The following SLC29A4 variants were observed in gnomAD, a reference collection of about 807,000 sequenced individuals.
The protein encoded by SLC29A4 is equilibrative nucleoside transporter 4.
In SLC29A4, 36 loss-of-function variants were observed where a neutral mutation model predicts 43.9. The observed-to-expected ratio is 0.82, with a 90% CI of 0.63 to 1.08. The LOEUF (loss-of-function observed/expected upper bound fraction) is 1.08, where lower values mean the gene tolerates loss of function less well. Among genes scored for constraint, SLC29A4 ranks in the 50% least tolerant of loss-of-function variants. SLC29A4 has a pLI of 0.00. For missense variants in SLC29A4, 869 were observed against 755.3 expected (o/e 1.15, Z -1.77); for synonymous variants, 491 against 338.0 (o/e 1.45, Z -4.97).
chr7:5,306,183 T>C lies in SLC29A4; in HGVS notation c.*3244T>C, dbSNP rs1271174178. On this transcript the variant is annotated 3_prime_UTR_variant, in exon 11 of 11. Transcript: ENST00000396872. ...TTTAATTTTTTCTCATGTAAATTTG[T>C]TCAATTTCTTTTTTTTTTTTTTTTT... 6.9e-6 allele frequency: 1 copy of C among 145,248 alleles called. No homozygotes were observed. Among genetic ancestry groups the C allele is most frequent in the Non-Finnish European group, 1.5e-5 (1 of 67,182 alleles). The allele number at this position is 145,248 out of a possible 1,614,324, so 9.0% of individuals were successfully genotyped here. A position where few individuals can be genotyped will look rare whatever the true frequency, so the allele number is the denominator to read the frequency against.
Position 5,305,222 on chromosome 7 carries a change from G to A in SLC29A4, c.*2283G>A, listed in dbSNP as rs1216756933. The A allele has an allele frequency of 6.6e-6, 1 of 152,354 alleles. No homozygotes were observed. The highest frequency in any genetic ancestry group is 2.1e-4 in the South Asian group (1 of 4,842). 9.4% of individuals were successfully genotyped at this position (152,354 alleles called of 1,614,324 possible). A position where few individuals can be genotyped will look rare whatever the true frequency, so the allele number is the denominator to read the frequency against. On this transcript the variant is annotated 3_prime_UTR_variant, in exon 11 of 11. Transcript: ENST00000396872. ...CTATGCTCTGGCAGGCATCCTCCCT[G>A]GGGCCCAGGTGGGCGGCCACTTGGG...
At chr7:5,294,721 G>A (rs1208864398) in intron 5 of SLC29A4, 139 bp from the exon 6 acceptor site, 23 of 834,290 alleles carry the variant, frequency 2.8e-5, no homozygotes, top group East Asian at 5.0e-5. Flanking sequence ...CTACTGCTGC[G>A]TGTCAAATCT....
intron 6 of SLC29A4, among the ~76,000 whole-genome samples, 200 bp from the exon 7 acceptor site, chr7:5,296,736 C>CG (rs571893521): frequency 0.027 from 3,399 of 127,278 alleles, 227 homozygotes; most frequent in African/African-American, 0.095. Flanking sequence ...TGGCAGTGGG[C>CG]GGGGCCGGCG....
intron 10 of SLC29A4, among the ~76,000 whole-genome samples, 155 bp downstream of exon 10, chr7:5,300,817 C>T (rs1470213619): frequency 1.3e-5 from 2 of 152,228 alleles, no homozygotes; most frequent in Non-Finnish European, 2.9e-5. Context: ...GGGACATTCT[C>T]AGCCACTTCA....
Position 5,299,322 on chromosome 7 carries a change from G to A in SLC29A4, c.1104G>A (p.Leu368=). The part of the protein sequence containing the change: ...LSIAVTYFIT[L]CLFPGLESEI... ...TCGCCGTGACCTACTTCATCACGCT[G>A]TGCCTGTTCCCCGGCCTCGAGTCTG... The change falls in exon 9 of 11, where the codon CTG becomes CTA. Residue 368 remains leucine (L), a synonymous_variant. Coordinates refer to ENST00000396872, the MANE Select transcript of SLC29A4 (RefSeq NM_153247.4). The A allele has an allele frequency of 6.2e-7, 1 of 1,612,056 alleles. No homozygotes were observed. Among genetic ancestry groups the A allele is most frequent in the Non-Finnish European group, 8.5e-7 (1 of 1,179,876 alleles).
At chr7:5,297,529 C>T (rs1343456205) in intron 7 of SLC29A4, among the ~76,000 whole-genome samples, 1 of 152,242 alleles carries the variant, frequency 6.6e-6, no homozygotes, top group Non-Finnish European at 1.5e-5. Context: ...AAGTTTCCAT[C>T]CCTGGGACAG....
Position 5,296,970 on chromosome 7 carries a change from C to T in SLC29A4, c.654C>T (p.Ile218=). The change falls in exon 7 of 11, where the codon ATC becomes ATT. Residue 218 remains isoleucine (I), a synonymous_variant. Coordinates refer to ENST00000396872, the MANE Select transcript of SLC29A4 (RefSeq NM_153247.4). ...GCGTGATGATCTCTCTGAGCCGCAT[C>T]CTCACGAAGCTGCTGCTGCCCGACG... ...TAGVMISLSR[I]LTKLLLPDER... 1.3e-6 allele frequency: 2 copies of T among 1,599,986 alleles called. No individual in the cohort carries two copies. The highest frequency in any genetic ancestry group is 1.7e-6 in the Non-Finnish European group (2 of 1,179,046).
intron 5 of SLC29A4, 93 bp downstream of exon 5, chr7:5,291,914 G>C (rs1223197903): frequency 2.0e-6 from 3 of 1,515,298 alleles, no homozygotes; most frequent in Non-Finnish European, 2.6e-6. Flanking sequence ...CATGTGACAT[G>C]ATGGGAACCG....
Position 5,287,911 on chromosome 7 carries a change from A to G in SLC29A4, c.95A>G (p.Gln32Arg), listed in dbSNP as rs760138659. 2.5e-6 allele frequency: 4 copies of G among 1,612,076 alleles called. No individual in the cohort carries two copies. The South Asian group carries it at 3.3e-5, about 13-fold the overall frequency. ...VVMSFTFDSH[Q>R]LEEAAEAAQG... ...ATGAGCTTCACCTTCGACAGTCACC[A>G]GCTGGAGGAGGCGGCGGAGGCGGCT... Residue 32 changes from glutamine (Q) to arginine (R), a missense_variant, in exon 2 of 11, where the codon CAG (glutamine) becomes CGG (arginine). Transcript: ENST00000396872.
chr7:5,294,717 C>A, intron 5 of SLC29A4, 143 bp from the exon 6 acceptor site: 1 of 817,054 alleles, frequency 1.2e-6, no homozygotes, highest in Non-Finnish European at 2.1e-6. Context: ...GTTCCTACTG[C>A]TGCGTGTCAA....
Position 5,300,676 on chromosome 7 carries a change from G to A in SLC29A4, c.1450+14G>A. ...GGGAGCTGGCAGGTGAGGCCCGCGG[G>A]ACGTGGGGGTGGGGGCGTCCTCCCA... is the stretch of plus-strand genomic sequence containing the variant. On this transcript the variant is annotated intron_variant, in intron 10 of 10. Coordinates refer to ENST00000396872, the MANE Select transcript of SLC29A4 (RefSeq NM_153247.4). 1 of 1,603,598 alleles carries A rather than the reference G, an allele frequency of 6.2e-7. No homozygotes were observed. Among genetic ancestry groups the A allele is most frequent in the Non-Finnish European group, 8.5e-7 (1 of 1,178,186 alleles).
chr7:5,291,067 G>A, intron 3 of SLC29A4, 57 bp from the exon 4 acceptor site: 13 of 1,590,498 alleles, frequency 8.2e-6, no homozygotes, highest in Non-Finnish European at 8.6e-6. Flanking sequence ...CACCTGGCAG[G>A]AGTCAGTGCA....
At chr7:5,283,250 G>A (rs1462591505) in intron 1 of SLC29A4, among the ~76,000 whole-genome samples, 168 bp downstream of exon 1, 1 of 150,072 alleles carries the variant, frequency 6.7e-6, no homozygotes, top group Non-Finnish European at 1.5e-5. Flanking sequence ...CGCGTCCTGA[G>A]CGGCCCAGCC....
At chr7:5,302,204 G>T (rs1327538588) in intron 10 of SLC29A4, among the ~76,000 whole-genome samples, 2 of 152,136 alleles carry the variant, frequency 1.3e-5, no homozygotes, top group African/African-American at 2.4e-5. Flanking sequence ...GCCTGCCTCA[G>T]CCTCCCAAAG....
At chr7:5,284,943 G>T (rs1784861065) in intron 1 of SLC29A4, among the ~76,000 whole-genome samples, 1 of 152,190 alleles carries the variant, frequency 6.6e-6, no homozygotes, top group South Asian at 2.1e-4. Context: ...AGCATCTTGG[G>T]GGCTCTTGCT....
intron 7 of SLC29A4, among the ~76,000 whole-genome samples, chr7:5,298,173 A>C (rs1372646422): frequency 2.0e-5 from 3 of 152,136 alleles, no homozygotes; most frequent in African/African-American, 7.2e-5. Flanking sequence ...GGGGACGCTG[A>C]AGTGAGCCAG....
chr7:5,298,522 T>C (rs1439528836), intron 7 of SLC29A4, among the ~76,000 whole-genome samples: 1 of 152,118 alleles, frequency 6.6e-6, no homozygotes, highest in East Asian at 1.9e-4. Context: ...CCAGGCGCAG[T>C]GGCTCACACC....
At chr7:5,284,558 T>C (rs1017700679) in intron 1 of SLC29A4, among the ~76,000 whole-genome samples, 53 of 137,028 alleles carry the variant, frequency 3.9e-4, no homozygotes, top group African/African-American at 1.1e-3. Context: ...ACTGGAGTTA[T>C]TAAGCCAGTG....
intron 4 of SLC29A4, 72 bp downstream of exon 4, chr7:5,291,309 C>A: frequency 1.4e-6 from 2 of 1,401,366 alleles, no homozygotes; most frequent in Non-Finnish European, 2.0e-6. Flanking sequence ...CCCACTCACC[C>A]AGTTTCCCTG....
Sources: gnomAD v4.1 joint callset for allele counts (sites outside exome capture counted in the v4.1 genomes callset) on GRCh38, gnomAD v4.1.1 for gene constraint, MANE v1.5 for transcripts, NCBI Gene and HGNC (gene_info 2026-07-23, HGNC 2026-07-21) for gene names.